Variants in GSTA4 observed in about 807,000 individuals in gnomAD.
GSTA4 encodes the protein glutathione S-transferase alpha 4.
GSTA4 carries 15 observed loss-of-function variants against 24.4 expected under a neutral mutation model. The observed-to-expected ratio is 0.61, with a 90% confidence interval of 0.41 to 0.95. The LOEUF (loss-of-function observed/expected upper bound fraction) is 0.95. GSTA4 is among the 40% of genes least tolerant of loss of function. The pLI is 0.00. For synonymous variants in GSTA4, 92 were observed against 94.2 expected, an observed-to-expected ratio of 0.98 and a Z score of 0.13; for missense variants, 244 against 262.1, an observed-to-expected ratio of 0.93 and a Z score of 0.48.
chr6:52,983,050 C>G (rs1243747172), intron 5 of GSTA4, among the ~76,000 whole-genome samples: 1 of 152,150 alleles, frequency 6.6e-6, no homozygotes, highest in African/African-American at 2.4e-5. Context: ...AAGGATATAT[C>G]TACTCCAAAA....
chr6:52,981,655 G>T (rs1461886817), intron 6 of GSTA4, among the ~76,000 whole-genome samples: 1 of 152,130 alleles, frequency 6.6e-6, no homozygotes. Flanking sequence ...AAAAACAGGT[G>T]GCAGGCCAGG....
intron 6 of GSTA4, among the ~76,000 whole-genome samples, chr6:52,979,686 T>C (rs1763412914): frequency 3.4e-5 from 1 of 29,570 alleles, no homozygotes; most frequent in African/African-American, 9.5e-5. Flanking sequence ...TTTAAATAGC[T>C]ACTATTTATT....
intron 1 of GSTA4, 178 bp from the exon 2 acceptor site, chr6:52,994,439 A>T: frequency 1.8e-6 from 1 of 551,622 alleles, no homozygotes; most frequent in Admixed American, 3.1e-5. Flanking sequence ...AACATGGAGA[A>T]AAAAACCTTG....
intron 3 of GSTA4, among the ~76,000 whole-genome samples, chr6:52,986,667 C>G (rs1452963889): frequency 6.6e-6 from 1 of 152,064 alleles, no homozygotes; most frequent in African/African-American, 2.4e-5. Context: ...AAGAGGAGTA[C>G]TTAGCACATG....
chr6:52,988,068 T>C (rs1434297508), intron 2 of GSTA4: 1 of 152,204 alleles, frequency 6.6e-6, no homozygotes, highest in African/African-American at 2.4e-5. Context: ...TAAATATCAC[T>C]GCCCCCTAAA....
At chr6:52,994,764 T>C (rs1252073759) in intron 1 of GSTA4, among the ~76,000 whole-genome samples, 1 of 152,116 alleles carries the variant, frequency 6.6e-6, no homozygotes, top group Non-Finnish European at 1.5e-5. Context: ...GTCTGCAAAA[T>C]GTGCGTCCAC....
chr6:52,978,536 G>C lies in GSTA4; in HGVS notation c.603C>G (p.Gly201=). The change falls in exon 7 of 7, where the codon GGC becomes GGG. Residue 201 remains glycine, a synonymous_variant. Coordinates refer to ENST00000370963, the MANE Select transcript of GSTA4 (RefSeq NM_001512.4). The stretch of plus-strand genomic sequence containing the variant: ...CATCAGGGGGAGGCTTCTTCTTGCT[G>C]CCAGGTTCAAGGAATCTCTTAATTG... ...IPTIKRFLEP[G]SKKKPPPDEI... is the part of the protein sequence containing the mutation. 1 of 1,611,644 alleles carries C rather than the reference G, an allele frequency of 6.2e-7. No individual in the cohort carries two copies. Among genetic ancestry groups the C allele is most frequent in the Non-Finnish European group, 8.5e-7 (1 of 1,177,998 alleles).
Position 52,984,511 on chromosome 6 carries a change from T to C in GSTA4, c.367A>G (p.Asn123Asp), listed in dbSNP as rs373510904. The change falls in exon 5 of 7, where the codon AAC becomes GAC. Residue 123 changes from asparagine (N) to aspartate (D), a missense_variant. Physicochemically the swap from Asn to Asp is conservative, Grantham distance 23. Coordinates refer to ENST00000370963, the MANE Select transcript of GSTA4 (RefSeq NM_001512.4). ...KPDDQQKEVVNMAQKAIIRYF... is the reference protein window; with the variant it reads ...KPDDQQKEVVDMAQKAIIRYF... ...CTAATTATAGCCTTCTGGGCCATGT[T>C]AACCACTTCCTTTTGCTGATCATCT... is the stretch of plus-strand genomic sequence containing the variant. The C allele has an allele frequency of 6.2e-6, 10 of 1,613,804 alleles. No homozygotes were observed. The highest frequency in any genetic ancestry group is 8.5e-6 in the Non-Finnish European group (10 of 1,179,832).
intron 1 of GSTA4, among the ~76,000 whole-genome samples, chr6:52,994,607 G>A (rs1763730691): frequency 6.6e-6 from 1 of 152,118 alleles, no homozygotes; most frequent in South Asian, 2.1e-4. Context: ...AATTCAGCTG[G>A]GGGATAGGGG....
Position 52,978,324 on chromosome 6 carries a change from G to T in GSTA4, c.*146C>A. 2 of 761,978 alleles carry T rather than the reference G, an allele frequency of 2.6e-6. No homozygotes were observed. Among genetic ancestry groups the T allele is most frequent in the Non-Finnish European group, 4.3e-6 (2 of 463,404 alleles). 47.2% of individuals were successfully genotyped at this position (761,978 alleles called of 1,614,324 possible). Reference sequence around the variant, plus strand: ...AAAAAAGGTTGATATTTCTAGAAGAGATGATCTCGTTGACACAAAAGACCC... The same window carrying T: ...AAAAAAGGTTGATATTTCTAGAAGATATGATCTCGTTGACACAAAAGACCC... On this transcript the variant is annotated 3_prime_UTR_variant, in exon 7 of 7. Transcript: ENST00000370963.
rs540793592 is a variant in GSTA4 at position 52,994,467 on chromosome 6, A to G, written c.-18-206T>C. The G allele has an allele frequency of 6.4e-5, 33 of 514,704 alleles. No individual in the cohort carries two copies. In the East Asian group the frequency reaches 9.4e-4, roughly 15 times the overall value. 31.9% of individuals were successfully genotyped at this position (514,704 alleles called of 1,614,324 possible). ...AAACCTTGGCTTTTATATGATTTCT[A>G]TTTATGACTTCTTATCCTGGATCTT... On this transcript the variant is annotated intron_variant, in intron 1 of 6. Transcript: ENST00000370963.
intron 3 of GSTA4, among the ~76,000 whole-genome samples, 157 bp from the exon 4 acceptor site, chr6:52,985,740 A>C (rs1040220723): frequency 2.0e-5 from 3 of 152,176 alleles, no homozygotes; most frequent in African/African-American, 7.2e-5. Flanking sequence ...CATTCAGGAG[A>C]GCAGATTTAG....
At chr6:52,982,414 A>G (rs973349402) in intron 6 of GSTA4, among the ~76,000 whole-genome samples, 160 bp downstream of exon 6, 7 of 152,154 alleles carry the variant, frequency 4.6e-5, no homozygotes, top group Non-Finnish European at 1.0e-4. Flanking sequence ...GACCAGAAAA[A>G]TAACTTTGGG....
intron 6 of GSTA4, among the ~76,000 whole-genome samples, chr6:52,981,882 C>A (rs316137): frequency 0.52 from 78,686 of 151,982 alleles, 20,685 homozygotes; most frequent in East Asian, 0.74. Context: ...CCAGAATAAC[C>A]CTGAGGGATA....
chr6:52,994,335 C>T (rs888468089), intron 1 of GSTA4, 74 bp from the exon 2 acceptor site: 66 of 699,526 alleles, frequency 9.4e-5, no homozygotes, highest in Non-Finnish European at 1.5e-4. Context: ...TGCTCAGGGG[C>T]GAAATGAATA....
intron 6 of GSTA4, 113 bp downstream of exon 6, chr6:52,982,461 A>T: frequency 4.8e-6 from 3 of 625,510 alleles, no homozygotes; most frequent in Non-Finnish European, 7.7e-6. Flanking sequence ...CTAGAATCTT[A>T]AAAATATTAC....
Position 52,984,450 on chromosome 6 carries a change from T to C in GSTA4, c.414+14A>G. 1 of 1,609,178 alleles carries C rather than the reference T, an allele frequency of 6.2e-7. No individual in the cohort carries two copies. Among genetic ancestry groups the C allele is most frequent in the Non-Finnish European group, 8.5e-7 (1 of 1,177,878 alleles). On this transcript the variant is annotated intron_variant, in intron 5 of 6. Coordinates refer to ENST00000370963, the MANE Select transcript of GSTA4 (RefSeq NM_001512.4). ...TTTGGTTGCTCTGTGTATGTAGGCATCTCTGCCACCTACCTTTTCAAACAC... is the reference window on the plus strand; with the variant it reads ...TTTGGTTGCTCTGTGTATGTAGGCACCTCTGCCACCTACCTTTTCAAACAC...
In GSTA4 at chr6:52,982,598, G is replaced by A. The variant is rs1391838802; in HGVS notation, c.522C>T (p.Ile174=). Residue 174 remains isoleucine, a synonymous_variant, in exon 6 of 7, where the codon ATC becomes ATT. Coordinates refer to ENST00000370963, the MANE Select transcript of GSTA4 (RefSeq NM_001512.4). ...CCTGGAGGAAAGGAAATGCAGACAG[G>A]ATATTAGGAATTTTCTCTTCTAGAG... ...ILALEEKIPN[I]LSAFPFLQEY... 2 of 1,610,340 alleles carry A rather than the reference G, an allele frequency of 1.2e-6. No homozygotes were observed. The highest frequency in any genetic ancestry group is 1.7e-5 in the Admixed American group (1 of 59,916).
At chr6:52,984,075 T>A (rs986837959) in intron 5 of GSTA4, among the ~76,000 whole-genome samples, 3 of 129,412 alleles carry the variant, frequency 2.3e-5, no homozygotes, top group Non-Finnish European at 5.1e-5. Context: ...CATATCGAAT[T>A]ATCAGGGAGG....
Sources: gnomAD v4.1 joint callset for allele counts (sites outside exome capture counted in the v4.1 genomes callset) on GRCh38, gnomAD v4.1.1 for gene constraint, MANE v1.5 for transcripts, NCBI Gene and HGNC (gene_info 2026-07-23, HGNC 2026-07-21) for gene names.